Variants in CDH18 observed in about 807,000 individuals in gnomAD.
CDH18 encodes cadherin-18.
Under a neutral mutation model 67.9 loss-of-function variants are expected in CDH18, and 31 were observed. The observed-to-expected ratio is 0.46, with a 90% CI of 0.34 to 0.62. The LOEUF (loss-of-function observed/expected upper bound fraction) is 0.62. Among genes scored for constraint, CDH18 ranks in the 20% least tolerant of loss-of-function variants. The pLI is 0.01. For missense variants in CDH18, 890 were observed against 975.5 expected (o/e 0.91, Z 1.17); for synonymous variants, 362 against 347.2 (o/e 1.04, Z -0.48).
intron 2 of CDH18, among the ~76,000 whole-genome samples, chr5:20,051,125 A>G (rs1580126064): frequency 6.6e-6 from 1 of 151,928 alleles, no homozygotes; most frequent in Non-Finnish European, 1.5e-5. Context: ...AATTCATTAG[A>G]AGGATATAAA....
chr5:19,945,788 T>G (rs923395941), intron 2 of CDH18, among the ~76,000 whole-genome samples: 2 of 151,956 alleles, frequency 1.3e-5, no homozygotes, highest in African/African-American at 4.8e-5. Flanking sequence ...TCAGTGAAAT[T>G]TAGAACCAGT....
intron 2 of CDH18, among the ~76,000 whole-genome samples, chr5:20,112,794 C>G (rs1326302826): frequency 6.6e-6 from 1 of 152,202 alleles, no homozygotes; most frequent in African/African-American, 2.4e-5. Context: ...CAATACATTA[C>G]ATCCACATTC....
intron 4 of CDH18, among the ~76,000 whole-genome samples, chr5:19,745,357 G>A (rs1359888795): frequency 6.6e-6 from 1 of 152,116 alleles, no homozygotes. Context: ...CTGTCTTCCT[G>A]GGTAATGCCT....
rs751691015 is a variant in CDH18 at position 19,503,056 on chromosome 5, C to G, written c.1566G>C (p.Arg522Ser). 4.3e-6 allele frequency: 7 copies of G among 1,612,928 alleles called. No homozygotes were observed. In the Admixed American group the frequency reaches 1.2e-4, roughly 27 times the overall value. Residue 522 changes from arginine (R) to serine (S), a missense_variant, in exon 11 of 13, where the codon AGG (arginine) becomes AGC (serine). This residue lies in a region of CDH18 where 656 missense variants were observed against 668.1 expected (regional missense o/e 0.98). Transcript: ENST00000382275. The part of the protein sequence containing the change: ...TDKDDFANGP[R>S]FNFFLDERLP... Reference sequence around the variant, plus strand: ...GGCGTTCATCAAGAAAGAAGTTAAACCTTGGTCCATTGGCAAAATCATCTT... The same window carrying G: ...GGCGTTCATCAAGAAAGAAGTTAAAGCTTGGTCCATTGGCAAAATCATCTT...
At chr5:20,084,925 G>C (rs557501285) in intron 2 of CDH18, among the ~76,000 whole-genome samples, 4 of 152,268 alleles carry the variant, frequency 2.6e-5, no homozygotes, top group African/African-American at 9.6e-5. Context: ...GGGAGGGGCT[G>C]CCTTGAAGAC....
intron 2 of CDH18, among the ~76,000 whole-genome samples, chr5:20,114,768 A>G (rs1747750428): frequency 6.6e-6 from 1 of 152,144 alleles, no homozygotes; most frequent in South Asian, 2.1e-4. Context: ...ACTGAGATCC[A>G]AGCAGCTCTA....
intron 11 of CDH18, among the ~76,000 whole-genome samples, chr5:19,495,199 T>C (rs185479038): frequency 8.5e-5 from 13 of 152,250 alleles, no homozygotes; most frequent in Non-Finnish European, 1.8e-4. Context: ...CTAACCCAAT[T>C]TAATTAAATT....
At chr5:20,504,941 G>A (rs1754566926) in intron 1 of CDH18, among the ~76,000 whole-genome samples, 1 of 151,712 alleles carries the variant, frequency 6.6e-6, no homozygotes, top group Non-Finnish European at 1.5e-5. Context: ...CTAATTTTTT[G>A]TATATTTAGT....
chr5:19,616,195 T>C (rs1256927914), intron 5 of CDH18, among the ~76,000 whole-genome samples: 1 of 152,154 alleles, frequency 6.6e-6, no homozygotes. Flanking sequence ...ATTCACAGCC[T>C]ACGTTCCATT....
At chr5:20,028,307 T>C (rs1739094739) in intron 2 of CDH18, among the ~76,000 whole-genome samples, 1 of 152,204 alleles carries the variant, frequency 6.6e-6, no homozygotes. Flanking sequence ...TCCAGAAATA[T>C]TGTACTCAGT....
chr5:20,032,220 T>C (rs1739463944), intron 2 of CDH18, among the ~76,000 whole-genome samples: 1 of 151,096 alleles, frequency 6.6e-6, no homozygotes, highest in Admixed American at 6.6e-5. Flanking sequence ...GTATTATATA[T>C]GTACATATAT....
intron 1 of CDH18, among the ~76,000 whole-genome samples, chr5:20,392,082 G>C (rs1283837364): frequency 6.6e-6 from 1 of 151,748 alleles, no homozygotes; most frequent in Non-Finnish European, 1.5e-5. Context: ...GTATTTATTT[G>C]TCAAAGTATT....
chr5:20,174,884 A>G (rs1737111437), intron 2 of CDH18, among the ~76,000 whole-genome samples: 1 of 152,176 alleles, frequency 6.6e-6, no homozygotes, highest in African/African-American at 2.4e-5. Flanking sequence ...TTGTTATATA[A>G]TGTTGACTTT....
chr5:20,126,219 G>A (rs1162374843), intron 2 of CDH18, among the ~76,000 whole-genome samples: 1 of 152,192 alleles, frequency 6.6e-6, no homozygotes, highest in Non-Finnish European at 1.5e-5. Flanking sequence ...CGAAAGGATA[G>A]ACTTTTCAAC....
intron 1 of CDH18, among the ~76,000 whole-genome samples, chr5:20,517,496 T>C (rs1436497275): frequency 6.6e-6 from 1 of 150,634 alleles, no homozygotes; most frequent in African/African-American, 2.4e-5. Flanking sequence ...TGACCAATGA[T>C]TATTATTAGC....
chr5:19,854,522 A>C (rs1261393630), intron 2 of CDH18, among the ~76,000 whole-genome samples: 2 of 152,090 alleles, frequency 1.3e-5, no homozygotes, highest in African/African-American at 2.4e-5. Flanking sequence ...ATTTAATCAT[A>C]CTCATGGAAA....
At chr5:20,000,051 T>C (rs996657221) in intron 2 of CDH18, among the ~76,000 whole-genome samples, 1 of 152,144 alleles carries the variant, frequency 6.6e-6, no homozygotes, top group Non-Finnish European at 1.5e-5. Flanking sequence ...TTTCATATCA[T>C]GGCAGTGAGA....
intron 1 of CDH18, among the ~76,000 whole-genome samples, chr5:20,401,804 T>G (rs1486026513): frequency 6.6e-6 from 1 of 152,210 alleles, no homozygotes; most frequent in Non-Finnish European, 1.5e-5. Context: ...ATAACTGGTT[T>G]TGATGTTTCC....
At chr5:19,932,572 A>T (rs1793818856) in intron 2 of CDH18, among the ~76,000 whole-genome samples, 1 of 151,278 alleles carries the variant, frequency 6.6e-6, no homozygotes, top group Non-Finnish European at 1.5e-5. Context: ...CCCACAATAC[A>T]CACACCTTGA....
Sources: gnomAD v4.1 joint callset for allele counts (sites outside exome capture counted in the v4.1 genomes callset) on GRCh38, gnomAD v4.1.1 for gene constraint, gnomAD v4.1.1 regional missense constraint, MANE v1.5 for transcripts, NCBI Gene and HGNC (gene_info 2026-07-23, HGNC 2026-07-21) for gene names.